PTPRN2: variants seen among roughly 807,000 people sequenced by gnomAD.
The protein encoded by PTPRN2 is receptor-type tyrosine-protein phosphatase N2.
In PTPRN2, 74 loss-of-function variants were observed where a neutral mutation model predicts 118.8. The ratio of observed to expected loss-of-function variants is 0.62; its 90% CI spans 0.52 to 0.76. PTPRN2 has a LOEUF of 0.76. Ranked by LOEUF, PTPRN2 falls within the 30% of genes least tolerant of loss-of-function variation. The pLI is 0.00. For synonymous variants in PTPRN2, 641 were observed against 608.0 expected, an observed-to-expected ratio of 1.05 and a Z score of -0.80; for missense variants, 1,481 against 1,394.4, an observed-to-expected ratio of 1.06 and a Z score of -0.99.
At chr7:158,540,071 T>C (rs1825895687) in intron 1 of PTPRN2, among the ~76,000 whole-genome samples, 1 of 152,184 alleles carries the variant, frequency 6.6e-6, no homozygotes, top group Non-Finnish European at 1.5e-5. Context: ...AGGCTGGTGC[T>C]GTGTGGTCTG....
chr7:158,472,687 C>T (rs780448051), intron 2 of PTPRN2, among the ~76,000 whole-genome samples: 1 of 152,198 alleles, frequency 6.6e-6, no homozygotes, highest in Non-Finnish European at 1.5e-5. Context: ...ACTCTTAACA[C>T]AGACCCCACC....
intron 2 of PTPRN2, among the ~76,000 whole-genome samples, chr7:158,428,946 A>C (rs1815962602): frequency 6.6e-6 from 1 of 152,252 alleles, no homozygotes; most frequent in Admixed American, 6.5e-5. Flanking sequence ...TACTGCAAGA[A>C]AAACAGGGTG....
rs1443081154 is a variant in PTPRN2 at position 158,015,661 on chromosome 7, G to C, written c.1723+65637C>G. Among the ~76,000 whole-genome samples, 1 of 151,652 alleles carries C rather than the reference G, an allele frequency of 6.6e-6. No homozygotes were observed. Among genetic ancestry groups the C allele is most frequent in the East Asian group, 1.9e-4 (1 of 5,180 alleles). On this transcript the variant is annotated intron_variant, in intron 11 of 22. Coordinates refer to ENST00000389418, the MANE Select transcript of PTPRN2 (RefSeq NM_002847.5). This position sits in a 1 kb window ranked among gnomAD's most constrained non-coding sequence, Gnocchi z 4.2. ...TTTTAACTAAAGACAACTGATTTTTGCCAGTAGCAGAGAACGTACGAGGTC... is the reference window on the plus strand; with the variant it reads ...TTTTAACTAAAGACAACTGATTTTTCCCAGTAGCAGAGAACGTACGAGGTC...
rs144530803 is a variant in PTPRN2 at position 158,311,549 on chromosome 7, A to C, written c.277+5270T>G. Among the ~76,000 whole-genome samples the C allele has an allele frequency of 2.7e-3, 416 of 152,358 alleles. 1 individual carries two copies. Among genetic ancestry groups the C allele is most frequent in the Middle Eastern group, 0.024 (7 of 294 alleles). On this transcript the variant is annotated intron_variant, in intron 3 of 22. Coordinates refer to ENST00000389418, the MANE Select transcript of PTPRN2 (RefSeq NM_002847.5). ...AGACAAGAATGGTAAAAACACAGTG[A>C]ACGTATTTTGTTCTGTGATGTACAC...
At chr7:158,394,613 G>A (rs527959462) in intron 2 of PTPRN2, among the ~76,000 whole-genome samples, 24 of 152,310 alleles carry the variant, frequency 1.6e-4, no homozygotes, top group South Asian at 4.1e-4. Context: ...CCCCCCAGGC[G>A]CAGAAAGTGT....
intron 13 of PTPRN2, 30 bp from the exon 14 acceptor site, chr7:157,656,581 G>A (rs1245622977): frequency 8.0e-6 from 12 of 1,499,688 alleles, no homozygotes; most frequent in Middle Eastern, 2.3e-4. Flanking sequence ...AGAGCAGGGG[G>A]TTAGTGGCAT....
chr7:158,476,749 C>T (rs372464823), intron 2 of PTPRN2, among the ~76,000 whole-genome samples: 4 of 152,248 alleles, frequency 2.6e-5, no homozygotes, highest in African/African-American at 7.2e-5. Flanking sequence ...GCTATAAATA[C>T]GCCCAAGTAA....
At chr7:157,863,887 G>A (rs999756883) in intron 12 of PTPRN2, 10 of 152,178 alleles carry the variant, frequency 6.6e-5, no homozygotes, top group African/African-American at 2.2e-4. Context: ...CCCACGCCTC[G>A]ACCTCGGACT....
rs111933729 is a variant in PTPRN2, at chr7:158,534,695, C to T, written c.113-44910G>A. Among the ~76,000 whole-genome samples, 70 of 152,334 alleles carry T rather than the reference C, an allele frequency of 4.6e-4. 1 individual carries two copies. The highest frequency in any genetic ancestry group is 1.6e-3 in the African/African-American group (68 of 41,574). ...CCCCATCACCCAGGCCAAAGCTAGC[C>T]TACCACGTCACACAGTGGCCATCTG... On this transcript the variant is annotated intron_variant, in intron 1 of 22. Coordinates refer to ENST00000389418, the MANE Select transcript of PTPRN2 (RefSeq NM_002847.5).
chr7:158,047,454 CG>C (rs1808965115), intron 11 of PTPRN2, among the ~76,000 whole-genome samples: 2 of 152,186 alleles, frequency 1.3e-5, no homozygotes, highest in African/African-American at 2.4e-5. Context: ...TTGTGCTGTG[CG>C]AGGCCTGCCT....
chr7:158,490,478 AT>A (rs1266348866), intron 1 of PTPRN2, among the ~76,000 whole-genome samples: 4 of 152,194 alleles, frequency 2.6e-5, no homozygotes, highest in Non-Finnish European at 4.4e-5. Flanking sequence ...CAAGCCACGC[AT>A]CCCCCGCGGC....
chr7:157,619,146 C>G lies in PTPRN2; in HGVS notation c.2344+2216G>C, dbSNP rs1325937948. ...CCCCAACCCCCCCATCCACACTGTA[C>G]AGACAGAGCCCAGAAGGCTGCAGGG... On this transcript the variant is annotated intron_variant, in intron 15 of 22. Coordinates refer to ENST00000389418, the MANE Select transcript of PTPRN2 (RefSeq NM_002847.5). The surrounding 1 kb of genome is among the most constrained non-coding windows in gnomAD (Gnocchi z 5.3). Among the ~76,000 whole-genome samples the G allele has an allele frequency of 6.6e-6, 1 of 152,140 alleles. No individual in the cohort carries two copies. The highest frequency in any genetic ancestry group is 1.9e-4 in the East Asian group (1 of 5,188).
At position 157,653,205 on chromosome 7, in the gene PTPRN2, G is replaced by A. The variant is rs543715643; in HGVS notation, c.2196+3152C>T. On this transcript the variant is annotated intron_variant, in intron 14 of 22. Coordinates refer to ENST00000389418, the MANE Select transcript of PTPRN2 (RefSeq NM_002847.5). The stretch of plus-strand genomic sequence containing the variant: ...ACCAACCTCTGCTGTTTATTTCATC[G>A]GATCGTGGGGTTCAGATGCCACGTT... Among the ~76,000 whole-genome samples, 16 of 152,254 alleles carry A rather than the reference G, an allele frequency of 1.1e-4. No homozygotes were observed. The South Asian group carries it at 1.2e-3, about 12-fold the overall frequency.
rs1041801596 is a variant in PTPRN2, at chr7:157,787,582, C to A, written c.1789-104645G>T. ...CCTTCATGTCTTGTAGGCGACCCCA[C>A]AGAGAGAGAGGCAGAGGAGAGTGGC... On this transcript the variant is annotated intron_variant, in intron 12 of 22. Coordinates refer to ENST00000389418, the MANE Select transcript of PTPRN2 (RefSeq NM_002847.5). This position sits in a 1 kb window ranked among gnomAD's most constrained non-coding sequence, Gnocchi z 5.3. Among the ~76,000 whole-genome samples the A allele has an allele frequency of 1.7e-4, 26 of 152,248 alleles. No individual in the cohort carries two copies. The highest frequency in any genetic ancestry group is 3.5e-4 in the Non-Finnish European group (24 of 68,002).
Position 157,667,733 on chromosome 7 carries a change from C to T in PTPRN2, c.2002-11182G>A, listed in dbSNP as rs144640565. ...AACTCAATGTGATGCTAGTGCCTCA[C>T]GACCTAACACCCTCCCCACGGGGCA... On this transcript the variant is annotated intron_variant, in intron 13 of 22. Transcript: ENST00000389418. 2.6e-5 allele frequency among the ~76,000 whole-genome samples: 4 copies of T among 152,390 alleles called. No homozygotes were observed. In the East Asian group the frequency reaches 5.8e-4, roughly 22 times the overall value.
At chr7:158,272,990 A>C (rs1401546863) in intron 3 of PTPRN2, among the ~76,000 whole-genome samples, 3 of 152,190 alleles carry the variant, frequency 2.0e-5, no homozygotes, top group African/African-American at 7.2e-5. Context: ...TTTATTGAGC[A>C]TCAGGGAATA....
intron 1 of PTPRN2, among the ~76,000 whole-genome samples, chr7:158,533,795 G>A (rs183953612): frequency 8.7e-4 from 132 of 152,302 alleles, no homozygotes; most frequent in African/African-American, 1.1e-3. Flanking sequence ...ACAATGCCTC[G>A]GGGATTTCCT....
intron 11 of PTPRN2, among the ~76,000 whole-genome samples, chr7:158,051,300 A>G (rs1275282795): frequency 2.6e-5 from 4 of 152,184 alleles, no homozygotes; most frequent in Admixed American, 6.5e-5. Context: ...TCCGTTCCAG[A>G]TGTAACCCAG....
rs141857127 is a variant in PTPRN2, at chr7:158,142,819, G to C, written c.911-4304C>G. Among the ~76,000 whole-genome samples the C allele has an allele frequency of 4.1e-4, 63 of 152,334 alleles. No individual in the cohort carries two copies. In the East Asian group the frequency reaches 0.012, roughly 28 times the overall value. ...TCTGCAGGTGACAAAGGGCTGAAGG[G>C]CTGGACAGTCCCAGGTCAACGGCAC... On this transcript the variant is annotated intron_variant, in intron 6 of 22. Transcript: ENST00000389418.
Sources: allele counts gnomAD v4.1 joint callset (sites outside exome capture counted in the v4.1 genomes callset), GRCh38; gene constraint gnomAD v4.1.1; non-coding constraint Gnocchi (gnomAD v3.1); transcripts MANE v1.5; gene names NCBI Gene and HGNC (gene_info 2026-07-23, HGNC 2026-07-21).